KCNAB1: variants seen among roughly 807,000 people sequenced by gnomAD.
KCNAB1 encodes the protein voltage-gated potassium channel subunit beta-1.
Under a neutral mutation model 64.6 loss-of-function variants are expected in KCNAB1, and 35 were observed. The observed-to-expected ratio is 0.54, with a 90% CI of 0.41 to 0.72. KCNAB1 has a LOEUF of 0.72. KCNAB1 is among the 30% of genes least tolerant of loss of function. The pLI is 0.00. For synonymous variants in KCNAB1, 177 were observed against 183.8 expected, an observed-to-expected ratio of 0.96 and a Z score of 0.30; for missense variants, 401 against 512.9, an observed-to-expected ratio of 0.78 and a Z score of 2.11.
At chr3:156,125,026 T>C (rs1271669479) in intron 1 of KCNAB1, among the ~76,000 whole-genome samples, 1 of 151,776 alleles carries the variant, frequency 6.6e-6, no homozygotes, top group Non-Finnish European at 1.5e-5. Flanking sequence ...AGGTCCTAGC[T>C]ACTCAGGAGG....
intron 1 of KCNAB1, among the ~76,000 whole-genome samples, chr3:156,366,620 A>C (rs1379144143): frequency 1.3e-5 from 2 of 152,196 alleles, no homozygotes; most frequent in African/African-American, 4.8e-5. Context: ...GGGATAACCA[A>C]ATCAGGAATT....
chr3:156,260,323 G>A (rs140448720), intron 1 of KCNAB1, among the ~76,000 whole-genome samples: 1 of 152,196 alleles, frequency 6.6e-6, no homozygotes, highest in East Asian at 1.9e-4. Flanking sequence ...GTACAATTCA[G>A]TGATTTTAGT....
intron 1 of KCNAB1, among the ~76,000 whole-genome samples, chr3:156,123,455 G>A (rs1364308938): frequency 6.6e-6 from 1 of 152,156 alleles, no homozygotes; most frequent in Non-Finnish European, 1.5e-5. Flanking sequence ...GAAACAAAGG[G>A]TATTATTAAA....
chr3:156,315,473 A>G (rs532441675), intron 1 of KCNAB1, among the ~76,000 whole-genome samples: 3 of 152,296 alleles, frequency 2.0e-5, no homozygotes, highest in African/African-American at 7.2e-5. Flanking sequence ...TCATGACCTG[A>G]GGCTTTACAG....
At chr3:156,504,345 C>A (rs538952758) in intron 8 of KCNAB1, among the ~76,000 whole-genome samples, 3 of 152,230 alleles carry the variant, frequency 2.0e-5, no homozygotes, top group African/African-American at 7.2e-5. Context: ...CATATCTTGG[C>A]TAGTGTGAAT....
chr3:156,378,167 C>T (rs543864755), intron 1 of KCNAB1, among the ~76,000 whole-genome samples: 9 of 152,082 alleles, frequency 5.9e-5, no homozygotes, highest in South Asian at 4.2e-4. Context: ...GAAGTAAAGA[C>T]GAGAAACTCA....
At chr3:156,118,358 G>T, upstream of KCNAB1, 2 of 454,978 alleles carry the variant, frequency 4.4e-6, no homozygotes, top group Non-Finnish European at 8.8e-6. Flanking sequence ...GTTCCTTACA[G>T]AATGAACATC....
intron 1 of KCNAB1, among the ~76,000 whole-genome samples, chr3:156,382,863 T>C (rs1712274037): frequency 1.3e-5 from 2 of 152,206 alleles, no homozygotes; most frequent in South Asian, 4.1e-4. Flanking sequence ...CCTGAGGGCT[T>C]GTTACATGTC....
At chr3:156,493,561 C>G (rs541502260) in intron 8 of KCNAB1, among the ~76,000 whole-genome samples, 1 of 152,050 alleles carries the variant, frequency 6.6e-6, no homozygotes, top group Non-Finnish European at 1.5e-5. Flanking sequence ...TTAGAATTAT[C>G]AAAACCTGGA....
intron 8 of KCNAB1, among the ~76,000 whole-genome samples, chr3:156,479,492 C>T (rs1714630302): frequency 6.6e-6 from 1 of 152,104 alleles, no homozygotes; most frequent in Admixed American, 6.6e-5. Flanking sequence ...ACTCTTCTCA[C>T]TGCTCCAGGA....
In KCNAB1 at chr3:156,400,590, A is replaced by C. The variant is rs530303095; in HGVS notation, c.276-21026A>C. ...AAACAGGATAATTCAAGCCCTTATC[A>C]CTCTAGTTCTAATAGATTTTTCTAG... is the stretch of plus-strand genomic sequence containing the variant. On this transcript the variant is annotated intron_variant, in intron 1 of 13. Transcript: ENST00000490337. Among the ~76,000 whole-genome samples the C allele has an allele frequency of 3.0e-4, 46 of 152,206 alleles. 2 individuals carry two copies. The highest frequency in any genetic ancestry group is 1.0e-3 in the African/African-American group (42 of 41,512).
At chr3:156,285,513 G>T (rs964633747) in intron 1 of KCNAB1, among the ~76,000 whole-genome samples, 5 of 55,184 alleles carry the variant, frequency 9.1e-5, no homozygotes, top group South Asian at 9.2e-4. Context: ...TTTTTTTGGT[G>T]GGGGGGATGG....
chr3:156,338,523 G>T (rs1055550794), intron 1 of KCNAB1, among the ~76,000 whole-genome samples: 1 of 151,852 alleles, frequency 6.6e-6, no homozygotes, highest in African/African-American at 2.4e-5. Flanking sequence ...TGTTGGTGAG[G>T]CTGGTCTTGA....
chr3:156,390,229 T>C (rs1457032910), intron 1 of KCNAB1, among the ~76,000 whole-genome samples: 1 of 152,158 alleles, frequency 6.6e-6, no homozygotes, highest in Non-Finnish European at 1.5e-5. Context: ...ACCCCAGGTC[T>C]GAGGGATAGA....
intron 8 of KCNAB1, among the ~76,000 whole-genome samples, chr3:156,478,126 A>C (rs1206565035): frequency 6.6e-6 from 1 of 152,186 alleles, no homozygotes; most frequent in Non-Finnish European, 1.5e-5. Context: ...AATGTGGTGA[A>C]AAAATCATCA....
chr3:156,344,486 C>G (rs908276158), intron 1 of KCNAB1, among the ~76,000 whole-genome samples: 2 of 152,234 alleles, frequency 1.3e-5, no homozygotes, highest in Non-Finnish European at 2.9e-5. Flanking sequence ...AATCTACAAT[C>G]TGCTCAGCGC....
chr3:156,266,009 A>C (rs1402072021), intron 1 of KCNAB1, among the ~76,000 whole-genome samples: 1 of 152,106 alleles, frequency 6.6e-6, no homozygotes, highest in East Asian at 1.9e-4. Flanking sequence ...AAAACAAAAA[A>C]CAAAAAAAAC....
chr3:156,312,364 T>C (rs1402837272), intron 1 of KCNAB1, among the ~76,000 whole-genome samples: 1 of 152,194 alleles, frequency 6.6e-6, no homozygotes, highest in African/African-American at 2.4e-5. Context: ...AGAGTTCCAG[T>C]AAGAAGGAGA....
At chr3:156,144,220 CA>C (rs1172152981) in intron 1 of KCNAB1, among the ~76,000 whole-genome samples, 1 of 152,106 alleles carries the variant, frequency 6.6e-6, no homozygotes, top group Non-Finnish European at 1.5e-5. Flanking sequence ...ACTGAAAAAA[CA>C]ATTTAGCAAT....
Sources: allele counts gnomAD v4.1 joint callset (sites outside exome capture counted in the v4.1 genomes callset), GRCh38; gene constraint gnomAD v4.1.1; transcripts MANE v1.5; gene names NCBI Gene and HGNC (gene_info 2026-07-23, HGNC 2026-07-21).